Variants in CNTNAP5 observed in about 807,000 individuals in gnomAD.
CNTNAP5 encodes the protein contactin-associated protein-like 5.
Under a neutral mutation model 150.2 loss-of-function variants are expected in CNTNAP5, and 72 were observed. The ratio of observed to expected loss-of-function variants is 0.48; its 90% CI spans 0.40 to 0.58. The LOEUF is 0.58. Among genes scored for constraint, CNTNAP5 ranks in the 20% least tolerant of loss-of-function variants. The pLI, the probability that CNTNAP5 is intolerant of heterozygous loss-of-function variation, is 0.00. For synonymous variants in CNTNAP5, 672 were observed against 619.8 expected, an observed-to-expected ratio of 1.08 and a Z score of -1.25; for missense variants, 1,636 against 1,626.2, an observed-to-expected ratio of 1.01 and a Z score of -0.10.
intron 2 of CNTNAP5, among the ~76,000 whole-genome samples, chr2:124,241,860 A>C (rs1686895665): frequency 6.6e-6 from 1 of 152,210 alleles, no homozygotes; most frequent in South Asian, 2.1e-4. Flanking sequence ...CCTAGTTCAT[A>C]TATATCTGCA....
At chr2:124,220,283 T>C (rs1573846007) in intron 1 of CNTNAP5, among the ~76,000 whole-genome samples, 1 of 152,132 alleles carries the variant, frequency 6.6e-6, no homozygotes, top group Non-Finnish European at 1.5e-5. Flanking sequence ...TTCAATGTCC[T>C]ATGAAATTAA....
intron 1 of CNTNAP5, among the ~76,000 whole-genome samples, chr2:124,032,489 A>G (rs1395874636): frequency 1.3e-5 from 2 of 152,174 alleles, no homozygotes; most frequent in African/African-American, 2.4e-5. Context: ...AAAACCAGTT[A>G]AGAGATGATT....
At chr2:124,174,919 C>T (rs2104670025) in intron 1 of CNTNAP5, among the ~76,000 whole-genome samples, 1 of 152,234 alleles carries the variant, frequency 6.6e-6, no homozygotes, top group South Asian at 2.1e-4. Context: ...AGTCAGCAGC[C>T]AACAACACTG....
At chr2:124,560,065 A>G (rs977824661) in intron 10 of CNTNAP5, among the ~76,000 whole-genome samples, 2 of 152,210 alleles carry the variant, frequency 1.3e-5, no homozygotes, top group Non-Finnish European at 2.9e-5. Flanking sequence ...CTACATTTTT[A>G]TGGTAAATTG....
intron 3 of CNTNAP5, among the ~76,000 whole-genome samples, chr2:124,391,457 A>T (rs540541480): frequency 1.3e-5 from 2 of 152,314 alleles, no homozygotes; most frequent in South Asian, 4.1e-4. Flanking sequence ...AACTCAGGTA[A>T]TAAAAAGAAG....
Position 124,642,757 on chromosome 2 carries a change from G to A in CNTNAP5, c.1877-5001G>A, listed in dbSNP as rs553589697. 1.2e-3 allele frequency among the ~76,000 whole-genome samples: 187 copies of A among 152,228 alleles called. 1 individual carries two copies. The highest frequency in any genetic ancestry group is 4.4e-3 in the African/African-American group (182 of 41,548). ...AGAAGTTAACATATTTTCCTCCAGT[G>A]TATGTACTCTGGTGGATAGCAGAGC... is the stretch of plus-strand genomic sequence containing the variant. On this transcript the variant is annotated intron_variant, in intron 12 of 23. Coordinates refer to ENST00000682447, the MANE Select transcript of CNTNAP5 (RefSeq NM_001367498.1).
At chr2:124,459,707 G>A (rs554756983) in intron 6 of CNTNAP5, among the ~76,000 whole-genome samples, 21 of 146,204 alleles carry the variant, frequency 1.4e-4, no homozygotes, top group Middle Eastern at 3.6e-3. Flanking sequence ...GTAGTGACTC[G>A]AGATCACACC....
intron 3 of CNTNAP5, among the ~76,000 whole-genome samples, chr2:124,313,284 G>GT (rs944376749): frequency 1.3e-4 from 20 of 152,170 alleles, no homozygotes; most frequent in Admixed American, 2.0e-4. Flanking sequence ...GTTTTGTTTT[G>GT]TTTTTTCTGT....
At chr2:124,873,993 C>T (rs1032870832) in intron 21 of CNTNAP5, among the ~76,000 whole-genome samples, 2 of 151,970 alleles carry the variant, frequency 1.3e-5, no homozygotes, top group East Asian at 1.9e-4. Flanking sequence ...ATACCAGCCA[C>T]GGTGCTACAG....
chr2:124,164,503 T>G (rs559508803), intron 1 of CNTNAP5, among the ~76,000 whole-genome samples: 1 of 152,328 alleles, frequency 6.6e-6, no homozygotes, highest in South Asian at 2.1e-4. Flanking sequence ...CCTGAAATAA[T>G]ATCTCTTTGA....
intron 13 of CNTNAP5, among the ~76,000 whole-genome samples, chr2:124,687,126 G>T (rs1164220016): frequency 6.6e-6 from 1 of 152,026 alleles, no homozygotes; most frequent in Non-Finnish European, 1.5e-5. Context: ...GGTACCTGGG[G>T]CTAGAGTTGC....
intron 7 of CNTNAP5, among the ~76,000 whole-genome samples, chr2:124,485,903 T>C (rs1046404676): frequency 3.3e-5 from 5 of 151,962 alleles, no homozygotes; most frequent in African/African-American, 1.2e-4. Context: ...AAAAGAGAAA[T>C]GTTTGCAGGG....
intron 13 of CNTNAP5, among the ~76,000 whole-genome samples, chr2:124,697,799 A>T (rs1183867392): frequency 6.6e-6 from 1 of 152,170 alleles, no homozygotes; most frequent in East Asian, 1.9e-4. Context: ...ATTTGCAAAC[A>T]TCTACCTGCT....
intron 1 of CNTNAP5, among the ~76,000 whole-genome samples, chr2:124,040,768 G>A (rs1170538384): frequency 6.6e-6 from 1 of 151,850 alleles, no homozygotes; most frequent in African/African-American, 2.4e-5. Flanking sequence ...AATATTTCCT[G>A]TTGTTCTTAT....
chr2:124,649,827 A>C (rs979561792), intron 13 of CNTNAP5, among the ~76,000 whole-genome samples: 2 of 152,206 alleles, frequency 1.3e-5, no homozygotes, highest in African/African-American at 4.8e-5. Context: ...CCTGGTACAT[A>C]ATAGGTATTC....
intron 1 of CNTNAP5, among the ~76,000 whole-genome samples, chr2:124,063,775 C>G (rs887682195): frequency 1.3e-5 from 2 of 152,038 alleles, no homozygotes; most frequent in Non-Finnish European, 2.9e-5. Flanking sequence ...ATTCACAAGA[C>G]AGAAATGATG....
At chr2:124,790,216 T>G in intron 18 of CNTNAP5, 75 bp downstream of exon 18, 1 of 1,438,576 alleles carries the variant, frequency 7.0e-7, no homozygotes, top group Admixed American at 2.4e-5. Flanking sequence ...CATGTGATAC[T>G]CACACTCTGA....
chr2:124,680,049 G>T (rs1679031059), intron 13 of CNTNAP5, among the ~76,000 whole-genome samples: 1 of 151,652 alleles, frequency 6.6e-6, no homozygotes, highest in Non-Finnish European at 1.5e-5. Flanking sequence ...TTTGTTTGAA[G>T]GAATAGAAAT....
At chr2:124,067,885 A>G (rs1275145506) in intron 1 of CNTNAP5, among the ~76,000 whole-genome samples, 2 of 152,188 alleles carry the variant, frequency 1.3e-5, no homozygotes, top group African/African-American at 2.4e-5. Flanking sequence ...ACTCAATTCT[A>G]TTAATTGAAA....
Sources: gnomAD v4.1 joint callset for allele counts (sites outside exome capture counted in the v4.1 genomes callset) on GRCh38, gnomAD v4.1.1 for gene constraint, MANE v1.5 for transcripts, NCBI Gene and HGNC (gene_info 2026-07-23, HGNC 2026-07-21) for gene names.